The following PRSS12 variants were observed in gnomAD, a reference collection of about 807,000 sequenced individuals.
PRSS12 encodes neurotrypsin.
Under a neutral mutation model 104.4 loss-of-function variants are expected in PRSS12, and 85 were observed. The ratio of observed to expected loss-of-function variants is 0.81; its 90% CI spans 0.68 to 0.98. The LOEUF (loss-of-function observed/expected upper bound fraction) is 0.98, where lower values mean the gene tolerates loss of function less well. Ranked by LOEUF, PRSS12 falls within the 50% of genes least tolerant of loss-of-function variation. The pLI is 0.00. For synonymous variants in PRSS12, 454 were observed against 425.2 expected (o/e 1.07, Z -0.83); for missense variants, 1,141 against 1,139.2 (o/e 1.00, Z -0.02).
At chr4:118,303,852 A>G (rs1289915814) in intron 8 of PRSS12, 2 of 152,062 alleles carry the variant, frequency 1.3e-5, no homozygotes, top group East Asian at 3.8e-4. Flanking sequence ...ATCCTACCGC[A>G]GTGCATTCCT....
rs146362932 is a variant in PRSS12 at position 118,282,972 on chromosome 4, T to C, written c.2179A>G (p.Ile727Val). Residue 727 changes from isoleucine to valine, a missense_variant, in exon 12 of 13, where the codon ATA (isoleucine) becomes GTA (valine). Transcript: ENST00000296498. ...EYRPDRSDYD[I>V]ALVRLQGPEE... The stretch of plus-strand genomic sequence containing the variant: ...GGTCCTTGTAATCTAACCAGGGCTA[T>C]GTCATAATCACTGCGGTCGGGTCGA... 621 of 1,614,032 alleles carry C rather than the reference T, an allele frequency of 3.8e-4. No individual in the cohort carries two copies. The highest frequency in any genetic ancestry group is 4.7e-4 in the Non-Finnish European group (555 of 1,180,034).
intron 9 of PRSS12, among the ~76,000 whole-genome samples, chr4:118,297,475 C>T (rs1743279265): frequency 6.6e-6 from 1 of 151,580 alleles, no homozygotes; most frequent in South Asian, 2.1e-4. Flanking sequence ...CTGGCCAAAT[C>T]ATTCACATAT....
At chr4:118,309,208 G>C (rs1743640714) in intron 7 of PRSS12, among the ~76,000 whole-genome samples, 1 of 152,172 alleles carries the variant, frequency 6.6e-6, no homozygotes. Flanking sequence ...TTGAGAAACT[G>C]AACTCTAGCA....
At chr4:118,309,207 T>C (rs540745072) in intron 7 of PRSS12, among the ~76,000 whole-genome samples, 1 of 152,196 alleles carries the variant, frequency 6.6e-6, no homozygotes, top group Admixed American at 6.5e-5. Flanking sequence ...GTTGAGAAAC[T>C]GAACTCTAGC....
At chr4:118,333,678 A>G (rs778014788) in intron 3 of PRSS12, among the ~76,000 whole-genome samples, 3 of 152,206 alleles carry the variant, frequency 2.0e-5, no homozygotes, top group Non-Finnish European at 4.4e-5. Flanking sequence ...GAAAAACAAA[A>G]ATTTTTAAGA....
intron 5 of PRSS12, 128 bp downstream of exon 5, chr4:118,318,250 T>G: frequency 1.1e-6 from 1 of 898,318 alleles, no homozygotes; most frequent in Non-Finnish European, 1.7e-6. Flanking sequence ...TTCTTTTTGT[T>G]TGTTTTATTT....
intron 4 of PRSS12, among the ~76,000 whole-genome samples, chr4:118,324,722 C>A (rs1723720997): frequency 6.6e-6 from 1 of 151,898 alleles, no homozygotes; most frequent in Non-Finnish European, 1.5e-5. Context: ...TTTGTTTTTG[C>A]TTTTGTTTTT....
intron 8 of PRSS12, among the ~76,000 whole-genome samples, chr4:118,305,646 T>C (rs1743529460): frequency 6.6e-6 from 1 of 152,128 alleles, no homozygotes; most frequent in Non-Finnish European, 1.5e-5. Flanking sequence ...CTGTTTTCAT[T>C]TGGCTTTGGT....
intron 11 of PRSS12, among the ~76,000 whole-genome samples, chr4:118,288,381 A>G (rs965568611): frequency 2.0e-5 from 3 of 152,212 alleles, no homozygotes; most frequent in Admixed American, 2.0e-4. Context: ...GCTCTACCAT[A>G]TACTATGTCA....
Position 118,280,752 on chromosome 4 carries a change from T to G in PRSS12, c.*1184A>C, listed in dbSNP as rs978695976. The stretch of plus-strand genomic sequence containing the variant: ...AGCTATCCCTTAACTCTTGGAGAAA[T>G]AGCCATAGGGAAACCAATCATTTAG... On this transcript the variant is annotated 3_prime_UTR_variant, in exon 13 of 13. Transcript: ENST00000296498. 5.9e-5 allele frequency: 9 copies of G among 152,176 alleles called. No individual in the cohort carries two copies. The highest frequency in any genetic ancestry group is 5.9e-4 in the Admixed American group (9 of 15,282). 9.4% of individuals were successfully genotyped at this position (152,176 alleles called of 1,614,324 possible). A position where few individuals can be genotyped will look rare whatever the true frequency, so the allele number is the denominator to read the frequency against.
chr4:118,286,627 C>T (rs192858422), intron 11 of PRSS12, among the ~76,000 whole-genome samples: 19 of 152,212 alleles, frequency 1.2e-4, no homozygotes, highest in Non-Finnish European at 2.1e-4. Context: ...ACAGAGAAAG[C>T]GCTTAATAAA....
At chr4:118,295,956 A>G (rs1743243694) in intron 9 of PRSS12, 100 bp from the exon 10 acceptor site, 2 of 1,109,688 alleles carry the variant, frequency 1.8e-6, no homozygotes, top group East Asian at 2.4e-5. Flanking sequence ...TCTATGTCAA[A>G]ATCCCTTTTC....
At chr4:118,344,664 G>GA (rs937613122) in intron 1 of PRSS12, among the ~76,000 whole-genome samples, 4 of 151,746 alleles carry the variant, frequency 2.6e-5, no homozygotes, top group African/African-American at 9.7e-5. Flanking sequence ...TAAATGCTGA[G>GA]AAAAAAAATC....
At position 118,336,488 on chromosome 4, in the gene PRSS12, T is replaced by G. The variant is rs1005068867; in HGVS notation, c.642-837A>C. ...ATTCCATCAACCAAACTGTAAATAT[T>G]TGGGGTATATCTAAAATGTAAATGT... On this transcript the variant is annotated intron_variant, in intron 2 of 12. Coordinates refer to ENST00000296498, the MANE Select transcript of PRSS12 (RefSeq NM_003619.4). 4.3e-4 allele frequency among the ~76,000 whole-genome samples: 65 copies of G among 152,144 alleles called. 1 individual carries two copies. Among genetic ancestry groups the G allele is most frequent in the African/African-American group, 1.6e-3 (65 of 41,420 alleles).
Position 118,310,902 on chromosome 4 carries a change from T to C in PRSS12, c.1489+2299A>G, listed in dbSNP as rs1252597170. On this transcript the variant is annotated intron_variant, in intron 7 of 12. Coordinates refer to ENST00000296498, the MANE Select transcript of PRSS12 (RefSeq NM_003619.4). ...TCCATCTGTACTAAAAATACAAATA[T>C]TAGCTGGGTGTGGTGGCAGGCACCT... Among the ~76,000 whole-genome samples, 5 of 152,096 alleles carry C rather than the reference T, an allele frequency of 3.3e-5. No homozygotes were observed. The East Asian group carries it at 9.7e-4, about 29-fold the overall frequency.
At chr4:118,332,839 TAACA>T (rs1235643432) in intron 3 of PRSS12, among the ~76,000 whole-genome samples, 2 of 152,166 alleles carry the variant, frequency 1.3e-5, no homozygotes, top group African/African-American at 4.8e-5. Context: ...AATTTCTGAT[TAACA>T]AACAGATATC....
intron 5 of PRSS12, 108 bp downstream of exon 5, chr4:118,318,270 A>T: frequency 9.4e-7 from 1 of 1,065,360 alleles, no homozygotes; most frequent in Non-Finnish European, 1.4e-6. Context: ...TGGTGTATTT[A>T]TTTGTATGCT....
chr4:118,335,202 T>C (rs895940682), intron 3 of PRSS12, among the ~76,000 whole-genome samples: 1 of 152,022 alleles, frequency 6.6e-6, no homozygotes, highest in Non-Finnish European at 1.5e-5. Flanking sequence ...ATACAGTATA[T>C]ATATAACCTA....
intron 1 of PRSS12, among the ~76,000 whole-genome samples, chr4:118,344,035 T>C (rs1276065675): frequency 6.6e-6 from 1 of 152,210 alleles, no homozygotes; most frequent in African/African-American, 2.4e-5. Flanking sequence ...TAGTCATTTC[T>C]ATTGTTCTAG....
Sources: gnomAD v4.1 joint callset for allele counts (sites outside exome capture counted in the v4.1 genomes callset) on GRCh38, gnomAD v4.1.1 for gene constraint, MANE v1.5 for transcripts, NCBI Gene and HGNC (gene_info 2026-07-23, HGNC 2026-07-21) for gene names.